MYO19: variants seen among roughly 807,000 people sequenced by gnomAD.
MYO19 encodes myosin XIX.
MYO19 carries 132 observed loss-of-function variants against 129.2 expected under a neutral mutation model. The observed-to-expected ratio is 1.02, with a 90% confidence interval of 0.89 to 1.18. The LOEUF (loss-of-function observed/expected upper bound fraction) is 1.18, where lower values mean the gene tolerates loss of function less well. MYO19 is among the 50% of genes most tolerant of loss of function. The pLI is 0.00. For missense variants in MYO19, 1,210 were observed against 1,216.7 expected, an observed-to-expected ratio of 0.99 and a Z score of 0.08; for synonymous variants, 531 against 477.2, an observed-to-expected ratio of 1.11 and a Z score of -1.47.
At chr17:36,514,376 T>C (rs974413890) in intron 9 of MYO19, 70 bp downstream of exon 9, 27 of 973,146 alleles carry the variant, frequency 2.8e-5, no homozygotes, top group South Asian at 1.4e-4. Context: ...TTCTGGGGAG[T>C]GGGGGGTTGA....
rs774624367 is a variant in MYO19 at position 36,506,484 on chromosome 17, G to C, written c.1769C>G (p.Pro590Arg). ...GAACTTGGACACCACGGTCAACACA[G>C]GGGCCCTGCTCTGGCCAGGGGGTTC... ...QEEPPGQSRA[P>R]VLTVVSKFKA... The change falls in exon 18 of 26, where the codon CCT becomes CGT. Residue 590 changes from proline to arginine, a missense_variant. Coordinates refer to ENST00000614623, the MANE Select transcript of MYO19 (RefSeq NM_001163735.2). The C allele has an allele frequency of 3.5e-5, 57 of 1,613,600 alleles. No homozygotes were observed. The highest frequency in any genetic ancestry group is 4.8e-5 in the Non-Finnish European group (57 of 1,179,760).
At chr17:36,510,467 C>T (rs2142017440) in intron 13 of MYO19, among the ~76,000 whole-genome samples, 1 of 152,372 alleles carries the variant, frequency 6.6e-6, no homozygotes, top group East Asian at 1.9e-4. Context: ...CTTCACCTTG[C>T]TGAGGCTAAA....
At position 36,503,190 on chromosome 17, in the gene MYO19, G is replaced by C; in HGVS notation, c.1987C>G (p.Arg663Gly). The C allele has an allele frequency of 1.2e-6, 2 of 1,613,950 alleles. No individual in the cohort carries two copies. The highest frequency in any genetic ancestry group is 1.7e-6 in the Non-Finnish European group (2 of 1,179,844). Reference sequence around the variant, plus strand: ...AACTTGTATCGTTCTACAAAGTTTCGGTGAGAGACCCTGGAGGCCAAAGCA... The same window carrying C: ...AACTTGTATCGTTCTACAAAGTTTCCGTGAGAGACCCTGGAGGCCAAAGCA... The part of the protein sequence containing the change: ...AAGFPIRVSH[R>G]NFVERYKLLR... Residue 663 changes from arginine to glycine, a missense_variant, in exon 21 of 26, where the codon CGA (arginine) becomes GGA (glycine). Coordinates refer to ENST00000614623, the MANE Select transcript of MYO19 (RefSeq NM_001163735.2).
At chr17:36,499,294 A>T in intron 23 of MYO19, 134 bp from the exon 24 acceptor site, 1 of 589,098 alleles carries the variant, frequency 1.7e-6, no homozygotes, top group South Asian at 1.9e-5. Context: ...AATTGCTACA[A>T]ATAAGGTTCT....
At chr17:36,529,868 A>T (rs2078131114) in intron 3 of MYO19, among the ~76,000 whole-genome samples, 1 of 152,134 alleles carries the variant, frequency 6.6e-6, no homozygotes, top group African/African-American at 2.4e-5. Flanking sequence ...TTACAGTTAT[A>T]TACTCTTATG....
At chr17:36,511,605 T>C (rs1261572520) in intron 11 of MYO19, 150 bp from the exon 12 acceptor site, 12 of 715,868 alleles carry the variant, frequency 1.7e-5, no homozygotes, top group Middle Eastern at 3.0e-4. Context: ...CACAATTCTA[T>C]ACAAGTTACA....
At chr17:36,520,786 C>T (rs751922400) in intron 6 of MYO19, among the ~76,000 whole-genome samples, 2 of 152,186 alleles carry the variant, frequency 1.3e-5, no homozygotes, top group Admixed American at 6.5e-5. Flanking sequence ...ACACAAAATA[C>T]GTACTGACTG....
At chr17:36,505,896 G>A (rs967519123) in intron 18 of MYO19, among the ~76,000 whole-genome samples, 5 of 152,176 alleles carry the variant, frequency 3.3e-5, no homozygotes, top group African/African-American at 1.2e-4. Flanking sequence ...TGGGTAGGAA[G>A]GTGCTAATCA....
intron 8 of MYO19, among the ~76,000 whole-genome samples, chr17:36,514,799 C>G (rs896332499): frequency 6.6e-6 from 1 of 152,156 alleles, no homozygotes; most frequent in African/African-American, 2.4e-5. Flanking sequence ...AGACAGGAGT[C>G]GAAGTCTCAG....
chr17:36,528,234 C>T (rs755636416), intron 3 of MYO19, 32 bp from the exon 4 acceptor site: 3 of 1,547,266 alleles, frequency 1.9e-6, no homozygotes, highest in African/African-American at 2.7e-5. Flanking sequence ...TGAGGCCAGG[C>T]ACAGTGGCTC....
chr17:36,537,403 G>C, upstream of MYO19: 1 of 1,614,006 alleles, frequency 6.2e-7, no homozygotes, highest in Non-Finnish European at 8.5e-7. Context: ...TACCGAAGGA[G>C]GACCTGCTAT....
chr17:36,534,522 G>C (rs574955092), intron 1 of MYO19, among the ~76,000 whole-genome samples: 5 of 152,338 alleles, frequency 3.3e-5, no homozygotes, highest in Non-Finnish European at 7.3e-5. Flanking sequence ...CCCCCTGCCG[G>C]CCAGGTGGAA....
chr17:36,500,811 A>G lies in MYO19; in HGVS notation c.2377+19T>C, dbSNP rs758500008. 24 of 1,594,804 alleles carry G rather than the reference A, an allele frequency of 1.5e-5. No homozygotes were observed. Among genetic ancestry groups the G allele is most frequent in the Non-Finnish European group, 2.0e-5 (23 of 1,175,332 alleles). On this transcript the variant is annotated intron_variant, in intron 23 of 25. Coordinates refer to ENST00000614623, the MANE Select transcript of MYO19 (RefSeq NM_001163735.2). ...TGTGGGGTCTGTGAGCAGTGCTGAC[A>G]GGTGACCTGCCCACCTACCTGCCTG...
Position 36,496,068 on chromosome 17 carries a change from GCCTGGAACCCCAGGC to G in MYO19, c.*168_*182del. 1 of 890,044 alleles carries G rather than the reference GCCTGGAACCCCAGGC, an allele frequency of 1.1e-6. No individual in the cohort carries two copies. The highest frequency in any genetic ancestry group is 1.7e-6 in the Non-Finnish European group (1 of 595,142). The allele number at this position is 890,044 out of a possible 1,614,324, so 55.1% of individuals were successfully genotyped here. A position where few individuals can be genotyped will look rare whatever the true frequency, so the allele number is the denominator to read the frequency against. On this transcript the variant is annotated 3_prime_UTR_variant, in exon 26 of 26. Coordinates refer to ENST00000614623, the MANE Select transcript of MYO19 (RefSeq NM_001163735.2). ...CCTGACACCATCAGTGCTTGATGTAGCCTGGAACCCCAGGCCCACTGACGCACTGGGCACGGGGCT... is the reference window on the plus strand; with the variant it reads ...CCTGACACCATCAGTGCTTGATGTAGCCACTGACGCACTGGGCACGGGGCT...
At chr17:36,510,645 C>G in intron 13 of MYO19, 101 bp downstream of exon 13, 1 of 1,336,176 alleles carries the variant, frequency 7.5e-7, no homozygotes, top group Non-Finnish European at 1.0e-6. Flanking sequence ...TATCTCCCAC[C>G]CTGGGCCTGT....
chr17:36,496,986 C>T (rs963485079), intron 25 of MYO19, among the ~76,000 whole-genome samples: 3 of 152,042 alleles, frequency 2.0e-5, no homozygotes, highest in Non-Finnish European at 2.9e-5. Context: ...TCACAAAGCC[C>T]TGAGTGACAA....
At chr17:36,530,867 C>T (rs1415809131) in intron 3 of MYO19, among the ~76,000 whole-genome samples, 1 of 151,998 alleles carries the variant, frequency 6.6e-6, no homozygotes. Context: ...GTGATCTGCC[C>T]GCCTCGACCT....
intron 19 of MYO19, chr17:36,504,912 CA>C (rs35146983): frequency 0.46 from 86,814 of 188,036 alleles, 12,717 homozygotes; most frequent in African/African-American, 0.6. Context: ...GGCTCAGTCT[CA>C]AAAAAAAAAA....
upstream of MYO19, among the ~76,000 whole-genome samples, chr17:36,539,850 C>G (rs2074187574): frequency 6.6e-6 from 1 of 151,190 alleles, no homozygotes. Context: ...AGTGTCAAAT[C>G]AAGAACTGAC....
Sources: gnomAD v4.1 joint callset for allele counts (sites outside exome capture counted in the v4.1 genomes callset) on GRCh38, gnomAD v4.1.1 for gene constraint, MANE v1.5 for transcripts, NCBI Gene and HGNC (gene_info 2026-07-23, HGNC 2026-07-21) for gene names.